The following POLK variants were observed in gnomAD, a reference collection of about 807,000 sequenced individuals.
The protein encoded by POLK is polymerase (DNA directed) kappa.
In POLK, 76 loss-of-function variants were observed where a neutral mutation model predicts 94.0. The ratio of observed to expected loss-of-function variants is 0.81; its 90% CI spans 0.67 to 0.98. POLK has a LOEUF of 0.98. Among genes scored for constraint, POLK ranks in the 50% least tolerant of loss-of-function variants. The pLI is 0.00. For synonymous variants in POLK, 349 were observed against 325.4 expected (o/e 1.07, Z -0.78); for missense variants, 954 against 1,010.1 (o/e 0.94, Z 0.75).
exon 15 of POLK, chr5:75,601,119 T>C (rs1196572629): frequency 1.3e-5 from 2 of 152,102 alleles, no homozygotes; most frequent in African/African-American, 4.8e-5. Flanking sequence ...ATAACCTTTA[T>C]AATAAAGAGA....
chr5:75,542,279 C>CT (rs932707324), intron 1 of POLK, among the ~76,000 whole-genome samples: 10 of 151,892 alleles, frequency 6.6e-5, no homozygotes, highest in Non-Finnish European at 1.3e-4. Flanking sequence ...GTAGTTTAGC[C>CT]TTTCGTATTC....
intron 9 of POLK, among the ~76,000 whole-genome samples, chr5:75,585,146 G>T (rs1772399877): frequency 6.6e-6 from 1 of 152,184 alleles, no homozygotes; most frequent in Non-Finnish European, 1.5e-5. Context: ...CAGTTGTGTA[G>T]AGAGACAAGA....
chr5:75,529,633 CAGATTTTTTAAAAAAATTTTTTATAT>C (rs1769046533), intron 1 of POLK, among the ~76,000 whole-genome samples: 1 of 152,018 alleles, frequency 6.6e-6, no homozygotes, highest in Non-Finnish European at 1.5e-5. Flanking sequence ...ATGTTCAGTA[CAGATTTTTTAAAAAAATTTTTTATAT>C]AGAGTGTGTT....
intron 3 of POLK, among the ~76,000 whole-genome samples, chr5:75,563,427 G>A (rs571466799): frequency 1.4e-3 from 216 of 151,896 alleles, no homozygotes; most frequent in Non-Finnish European, 2.1e-3. Context: ...GTTATTTCTT[G>A]TCTTCTGCTA....
At chr5:75,600,094 G>A (rs1773263477) in exon 15 of POLK, 1 of 152,020 alleles carries the variant, frequency 6.6e-6, no homozygotes, top group Non-Finnish European at 1.5e-5. Context: ...TATAACTGGT[G>A]AAAAACTAGT....
chr5:75,604,951 TG>T (rs1773383446), downstream of POLK, among the ~76,000 whole-genome samples: 1 of 152,208 alleles, frequency 6.6e-6, no homozygotes, highest in Non-Finnish European at 1.5e-5. Flanking sequence ...AATATTGAAC[TG>T]TTCCCCTTAC....
At chr5:75,527,168 A>G (rs1429875652) in intron 1 of POLK, among the ~76,000 whole-genome samples, 3 of 152,116 alleles carry the variant, frequency 2.0e-5, no homozygotes, top group Non-Finnish European at 4.4e-5. Context: ...ATTCTCCTCT[A>G]AAAAGAATTA....
intron 6 of POLK, 148 bp downstream of exon 6, chr5:75,577,081 A>G (rs1771924242): frequency 2.3e-6 from 1 of 435,606 alleles, no homozygotes; most frequent in Non-Finnish European, 3.9e-6. Context: ...AGAAAATTTT[A>G]AAAATACCAG....
chr5:75,601,625 C>T (rs1773298634), downstream of POLK, among the ~76,000 whole-genome samples: 4 of 152,180 alleles, frequency 2.6e-5, no homozygotes, highest in Admixed American at 2.6e-4. Flanking sequence ...CGTCTTTCTC[C>T]TGTGCTGCAT....
chr5:75,602,751 A>C (rs1773322808), downstream of POLK, among the ~76,000 whole-genome samples: 1 of 152,208 alleles, frequency 6.6e-6, no homozygotes, highest in Admixed American at 6.5e-5. Context: ...TCCTCTCTTC[A>C]ATGTAATTCA....
chr5:75,524,835 C>G (rs1296660971), intron 1 of POLK, among the ~76,000 whole-genome samples: 1 of 152,076 alleles, frequency 6.6e-6, no homozygotes, highest in Non-Finnish European at 1.5e-5. Flanking sequence ...CCAGTGCTAC[C>G]AAAGAGTAGG....
At chr5:75,525,953 C>G (rs1188279400) in intron 1 of POLK, among the ~76,000 whole-genome samples, 2 of 152,136 alleles carry the variant, frequency 1.3e-5, no homozygotes, top group Non-Finnish European at 2.9e-5. Flanking sequence ...TCTCTAACCT[C>G]AATTTCCTTA....
downstream of POLK, among the ~76,000 whole-genome samples, chr5:75,602,339 C>T (rs1418944533): frequency 6.6e-6 from 1 of 152,160 alleles, no homozygotes; most frequent in Non-Finnish European, 1.5e-5. Flanking sequence ...CATAAACTAT[C>T]TCGTCAAACT....
intron 1 of POLK, among the ~76,000 whole-genome samples, chr5:75,540,030 T>A (rs1769658275): frequency 6.6e-6 from 1 of 152,068 alleles, no homozygotes; most frequent in East Asian, 1.9e-4. Context: ...AACTAAAAAG[T>A]CAGGAGCAGT....
chr5:75,523,950 T>A (rs1265265267), intron 1 of POLK, among the ~76,000 whole-genome samples: 3 of 151,882 alleles, frequency 2.0e-5, no homozygotes, highest in Non-Finnish European at 4.4e-5. Context: ...GCCAACATGG[T>A]GAAACCTCGT....
In POLK at chr5:75,586,949, G is replaced by A. The variant is rs982615228; in HGVS notation, c.1227-77G>A. ...AATTTGAGAGCTCTAAAAGGTAATT[G>A]ATAATGTTAAATCCTCTTGGTTAAC... On this transcript the variant is annotated intron_variant, in intron 9 of 14. Transcript: ENST00000241436. 1.8e-5 allele frequency: 18 copies of A among 981,604 alleles called. No individual in the cohort carries two copies. In the African/African-American group the frequency reaches 2.7e-4, roughly 15 times the overall value. 60.8% of individuals were successfully genotyped at this position (981,604 alleles called of 1,614,324 possible).
chr5:75,539,266 T>TA (rs1769614189), intron 1 of POLK, among the ~76,000 whole-genome samples: 6 of 152,014 alleles, frequency 3.9e-5, no homozygotes, highest in Non-Finnish European at 8.8e-5. Context: ...TTTTTTTTTT[T>TA]ATCATGTTTT....
At chr5:75,597,997 C>A in exon 15 of POLK, 1 of 1,380,314 alleles carries the variant, frequency 7.2e-7, no homozygotes, top group Non-Finnish European at 9.9e-7. Context: ...CCAAACATAC[C>A]CTTGATATAT....
exon 13 of POLK, chr5:75,596,820 C>T (rs188329044): frequency 3.1e-6 from 5 of 1,609,916 alleles, no homozygotes; most frequent in African/African-American, 2.7e-5. Flanking sequence ...CTATAGATAA[C>T]TCATCTAAAG....
Sources: gnomAD v4.1 joint callset for allele counts (sites outside exome capture counted in the v4.1 genomes callset) on GRCh38, gnomAD v4.1.1 for gene constraint, MANE v1.5 for transcripts, NCBI Gene and HGNC (gene_info 2026-07-23, HGNC 2026-07-21) for gene names.